The following CFAP206 variants were observed in gnomAD, a reference collection of about 807,000 sequenced individuals.
The protein encoded by CFAP206 is cilia- and flagella-associated protein 206.
A neutral mutation model predicts 65.4 loss-of-function variants in CFAP206; 53 were observed. The observed-to-expected ratio is 0.81, with a 90% CI of 0.65 to 1.02. The LOEUF (loss-of-function observed/expected upper bound fraction) is 1.02. Among genes scored for constraint, CFAP206 ranks in the 50% least tolerant of loss-of-function variants. CFAP206 has a pLI of 0.00. For synonymous variants in CFAP206, 250 were observed against 254.4 expected (o/e 0.98, Z 0.17); for missense variants, 663 against 753.2 (o/e 0.88, Z 1.40).
intron 2 of CFAP206, 76 bp from the exon 3 acceptor site, chr6:87,410,509 T>C (rs1220729998): frequency 5.4e-6 from 6 of 1,112,744 alleles, no homozygotes; most frequent in South Asian, 1.3e-5. Context: ...TGGAAACATA[T>C]TAAGCTAATA....
intron 3 of CFAP206, among the ~76,000 whole-genome samples, chr6:87,413,442 G>A (rs1184349680): frequency 6.6e-6 from 1 of 152,124 alleles, no homozygotes; most frequent in African/African-American, 2.4e-5. Flanking sequence ...CATAGAGAGT[G>A]GAACAGTAGA....
At position 87,418,392 on chromosome 6, in the gene CFAP206, T is replaced by C. The variant is rs533842433; in HGVS notation, c.816T>C (p.Tyr272=). 8 of 1,614,098 alleles carry C rather than the reference T, an allele frequency of 5.0e-6. No homozygotes were observed. The East Asian group carries it at 1.1e-4, about 22-fold the overall frequency. The change falls in exon 7 of 13, where the codon TAT becomes TAC. Residue 272 remains tyrosine (Y), a synonymous_variant. Coordinates refer to ENST00000369562, the MANE Select transcript of CFAP206 (RefSeq NM_001031743.3). ...LKEALYNIRQ[Y]EVFLQIILSD... is the part of the protein sequence containing the mutation. ...AAGCGCTATATAATATACGACAATA[T>C]GAGGTCTTCCTTCAGATCATTTTGG...
intron 11 of CFAP206, among the ~76,000 whole-genome samples, chr6:87,449,184 C>A (rs980537906): frequency 6.6e-6 from 1 of 152,048 alleles, no homozygotes; most frequent in East Asian, 1.9e-4. Context: ...CGCCTGTAAT[C>A]CCAACACTTT....
chr6:87,410,617 C>T lies in CFAP206; in HGVS notation c.141C>T (p.Gly47=). The T allele has an allele frequency of 6.2e-7, 1 of 1,613,998 alleles. No individual in the cohort carries two copies. The highest frequency in any genetic ancestry group is 1.1e-5 in the South Asian group (1 of 91,072). Residue 47 remains glycine (G), a synonymous_variant, in exon 3 of 13, where the codon GGC becomes GGT. Coordinates refer to ENST00000369562, the MANE Select transcript of CFAP206 (RefSeq NM_001031743.3). The part of the protein sequence containing the change: ...VKAVVLDPSN[G]FNMDRTLMKS... ...CTGTTGTCCTGGATCCAAGTAATGG[C>T]TTTAACATGGATAGAACCCTCATGA...
intron 1 of CFAP206, among the ~76,000 whole-genome samples, chr6:87,409,497 G>A (rs902052228): frequency 1.7e-4 from 26 of 148,806 alleles, no homozygotes; most frequent in African/African-American, 6.2e-4. Flanking sequence ...ACAGGCGTGA[G>A]CCATCGCGCC....
At chr6:87,415,548 A>G (rs1562243350) in intron 4 of CFAP206, 138 bp from the exon 5 acceptor site, 4 of 829,048 alleles carry the variant, frequency 4.8e-6, no homozygotes, top group Non-Finnish European at 8.0e-6. Context: ...ACTGTTTTTT[A>G]TTTCATTATT....
chr6:87,408,586 A>G (rs1399923737), intron 1 of CFAP206: 1 of 72,550 alleles, frequency 1.4e-5, no homozygotes, highest in Non-Finnish European at 2.9e-5. Context: ...ACAGATCCGG[A>G]GCGCGCACAC....
At position 87,436,365 on chromosome 6, in the gene CFAP206, C is replaced by T. The variant is rs141396763; in HGVS notation, c.1494+1312C>T. ...CCTCCCAAAGTGCTGGGATTACAGG[C>T]GTGAGCCACCACGCCCGGACTTGTT... On this transcript the variant is annotated intron_variant, in intron 11 of 12. Coordinates refer to ENST00000369562, the MANE Select transcript of CFAP206 (RefSeq NM_001031743.3). Among the ~76,000 whole-genome samples, 409 of 152,184 alleles carry T rather than the reference C, an allele frequency of 2.7e-3. 1 individual carries two copies. The highest frequency in any genetic ancestry group is 9.4e-3 in the African/African-American group (392 of 41,522).
intron 11 of CFAP206, chr6:87,444,674 G>GGCTCT (rs1305140800): frequency 2.1e-5 from 7 of 335,272 alleles, no homozygotes; most frequent in Middle Eastern, 1.1e-3. Context: ...GATCCCTCTG[G>GGCTCT]GCTCTCTCAT....
In CFAP206 at chr6:87,418,248, G is replaced by T. The variant is rs1355427797; in HGVS notation, c.672G>T (p.Gln224His). The T allele has an allele frequency of 6.2e-7, 1 of 1,614,062 alleles. No homozygotes were observed. The highest frequency in any genetic ancestry group is 8.5e-7 in the Non-Finnish European group (1 of 1,180,036). ...ATGTAGCAATCCCAGCCACCATGCA[G>T]CATATTGATTACCAGCTTGAGACTG... ...VLHVAIPATMQHIDYQLETAR... is the reference protein window; with the variant it reads ...VLHVAIPATMHHIDYQLETAR... The change falls in exon 7 of 13, where the codon CAG becomes CAT. Residue 224 changes from glutamine to histidine, a missense_variant. Gln to His is a conservative substitution (Grantham distance 24, BLOSUM62 0). Coordinates refer to ENST00000369562, the MANE Select transcript of CFAP206 (RefSeq NM_001031743.3).
At chr6:87,440,187 T>C (rs528479124) in intron 11 of CFAP206, among the ~76,000 whole-genome samples, 1 of 152,312 alleles carries the variant, frequency 6.6e-6, no homozygotes, top group Non-Finnish European at 1.5e-5. Flanking sequence ...TGGTTAGATT[T>C]ATTTGTAGGG....
chr6:87,461,237 T>C lies in CFAP206; in HGVS notation c.1638+72T>C, dbSNP rs1768744011. Reference sequence around the variant, plus strand: ...AATCTATTGTTACTCATAGAGTTGGTAAATTAAATTATTTATATAAAATAA... The same window carrying C: ...AATCTATTGTTACTCATAGAGTTGGCAAATTAAATTATTTATATAAAATAA... On this transcript the variant is annotated intron_variant, in intron 12 of 12. Transcript: ENST00000369562. 4.0e-6 allele frequency: 4 copies of C among 990,918 alleles called. No homozygotes were observed. In the Admixed American group the frequency reaches 1.0e-4, roughly 25 times the overall value. 61.4% of individuals were successfully genotyped at this position (990,918 alleles called of 1,614,324 possible).
intron 2 of CFAP206, 45 bp from the exon 3 acceptor site, chr6:87,410,540 A>G: frequency 7.4e-7 from 1 of 1,356,062 alleles, no homozygotes; most frequent in Non-Finnish European, 1.1e-6. Context: ...AAATTGCTTA[A>G]TGGATTCTTT....
chr6:87,436,940 C>A (rs192696450), intron 11 of CFAP206: 1 of 152,200 alleles, frequency 6.6e-6, no homozygotes, highest in East Asian at 1.9e-4. Context: ...TAATATTTGC[C>A]AATTTGATGA....
chr6:87,431,150 C>G lies in CFAP206; in HGVS notation c.1277C>G (p.Ala426Gly). The G allele has an allele frequency of 6.2e-7, 1 of 1,613,854 alleles. No individual in the cohort carries two copies. Among genetic ancestry groups the G allele is most frequent in the Non-Finnish European group, 8.5e-7 (1 of 1,179,876 alleles). ...GGATTTTGTGCTTACACGTTTGCTG[C>G]AACAGATGGTCTTCTCCTTCCAGGT... The part of the protein sequence containing the change: ...YRGFCAYTFA[A>G]TDGLLLPGNP... Residue 426 changes from alanine (A) to glycine (G), a missense_variant, in exon 10 of 13, where the codon GCA (alanine) becomes GGA (glycine). Transcript: ENST00000369562.
intron 7 of CFAP206, among the ~76,000 whole-genome samples, chr6:87,424,088 A>G (rs1419896466): frequency 2.0e-5 from 3 of 152,168 alleles, no homozygotes; most frequent in African/African-American, 4.8e-5. Flanking sequence ...GCAACACAGT[A>G]TAATGGTTAA....
At chr6:87,449,061 G>C (rs1018465947) in intron 11 of CFAP206, among the ~76,000 whole-genome samples, 1 of 152,014 alleles carries the variant, frequency 6.6e-6, no homozygotes, top group Non-Finnish European at 1.5e-5. Context: ...TCTATTTTTA[G>C]TCTTTTTGAG....
At position 87,457,949 on chromosome 6, in the gene CFAP206, T is replaced by C. The variant is rs117838438; in HGVS notation, c.1495-3073T>C. The stretch of plus-strand genomic sequence containing the variant: ...ATAAGGGACTAATAGCCAGAATATA[T>C]AAGGAGCTCAAACAACTCAATTAGG... On this transcript the variant is annotated intron_variant, in intron 11 of 12. Transcript: ENST00000369562. Among the ~76,000 whole-genome samples the C allele has an allele frequency of 3.9e-3, 588 of 152,200 alleles. 2 individuals carry two copies. The highest frequency in any genetic ancestry group is 6.6e-3 in the South Asian group (32 of 4,822).
chr6:87,434,860 G>T lies in CFAP206; in HGVS notation c.1301G>T (p.Gly434Val). The change falls in exon 11 of 13, where the codon GGA becomes GTA. Residue 434 changes from glycine (G) to valine (V), a missense_variant and splice_region_variant. Physicochemically the swap from Gly to Val is moderately radical, Grantham distance 109. Coordinates refer to ENST00000369562, the MANE Select transcript of CFAP206 (RefSeq NM_001031743.3). Reference sequence around the variant, plus strand: ...TATCTAATTCTTTTTTTATTTTCAGGAAATCCAGCAATTGGAATTTTAAAA... The same window carrying T: ...TATCTAATTCTTTTTTTATTTTCAGTAAATCCAGCAATTGGAATTTTAAAA... The part of the protein sequence containing the change: ...FAATDGLLLP[G>V]NPAIGILKYK... The T allele has an allele frequency of 7.6e-7, 1 of 1,315,332 alleles. No individual in the cohort carries two copies. Among genetic ancestry groups the T allele is most frequent in the Non-Finnish European group, 1.1e-6 (1 of 948,410 alleles). 81.5% of individuals were successfully genotyped at this position (1,315,332 alleles called of 1,614,324 possible). A position where few individuals can be genotyped will look rare whatever the true frequency, so the allele number is the denominator to read the frequency against.
Sources: gnomAD v4.1 joint callset for allele counts (sites outside exome capture counted in the v4.1 genomes callset) on GRCh38, gnomAD v4.1.1 for gene constraint, MANE v1.5 for transcripts, NCBI Gene and HGNC (gene_info 2026-07-23, HGNC 2026-07-21) for gene names.